AKAIN1: variants seen among roughly 807,000 people sequenced by gnomAD.
AKAIN1 encodes the protein A-kinase anchor inhibitor 1.
A neutral mutation model predicts 3.7 loss-of-function variants in AKAIN1; 3 were observed. That is an observed-to-expected ratio of 0.82 (90% CI 0.37 to 2.12). The LOEUF is 2.12. Ranked by LOEUF, AKAIN1 falls within the 30% of genes most tolerant of loss-of-function variation. The pLI, the probability that AKAIN1 is intolerant of heterozygous loss-of-function variation, is 0.06. For missense variants in AKAIN1, 82 were observed against 82.7 expected (o/e 0.99, Z 0.03); for synonymous variants, 31 against 30.8 (o/e 1.01, Z -0.02).
chr18:5,167,433 T>A (rs2071173467), intron 1 of AKAIN1, among the ~76,000 whole-genome samples: 1 of 152,046 alleles, frequency 6.6e-6, no homozygotes, highest in Non-Finnish European at 1.5e-5. Context: ...GGGCAAAAGG[T>A]AGACATGACA....
At chr18:5,192,296 A>G (rs895830825) in intron 1 of AKAIN1, among the ~76,000 whole-genome samples, 2 of 152,174 alleles carry the variant, frequency 1.3e-5, no homozygotes, top group Non-Finnish European at 1.5e-5. Context: ...TCTGGAGTGC[A>G]GTGGCTCAAT....
chr18:5,174,744 A>AAT (rs1401343936), intron 1 of AKAIN1, among the ~76,000 whole-genome samples: 2 of 152,260 alleles, frequency 1.3e-5, no homozygotes, highest in East Asian at 1.9e-4. Context: ...CTGTCAAAAA[A>AAT]AAAAATGTAG....
intron 1 of AKAIN1, among the ~76,000 whole-genome samples, chr18:5,168,137 G>C (rs922511670): frequency 3.3e-5 from 5 of 152,026 alleles, no homozygotes; most frequent in African/African-American, 1.2e-4. Flanking sequence ...GTTACCAAAG[G>C]GGTAACAATG....
intron 1 of AKAIN1, among the ~76,000 whole-genome samples, chr18:5,173,499 T>C (rs2071209163): frequency 6.6e-6 from 1 of 152,162 alleles, no homozygotes; most frequent in Non-Finnish European, 1.5e-5. Flanking sequence ...TAATGTGCTT[T>C]CCTTTGGAGG....
intron 1 of AKAIN1, among the ~76,000 whole-genome samples, chr18:5,172,254 G>C (rs554216973): frequency 6.6e-6 from 1 of 152,066 alleles, no homozygotes; most frequent in East Asian, 1.9e-4. Context: ...AATTAAAACA[G>C]GATGACTTTA....
At chr18:5,149,236 A>G (rs1209551209) in intron 1 of AKAIN1, among the ~76,000 whole-genome samples, 1 of 152,212 alleles carries the variant, frequency 6.6e-6, no homozygotes, top group Non-Finnish European at 1.5e-5. Context: ...GCAGAGAAAG[A>G]GAGGGATTAA....
intron 1 of AKAIN1, among the ~76,000 whole-genome samples, chr18:5,175,614 G>A (rs2071221721): frequency 1.3e-5 from 2 of 152,112 alleles, no homozygotes; most frequent in African/African-American, 2.4e-5. Context: ...TGCATATCAG[G>A]AAGTGAAAGA....
intron 1 of AKAIN1, among the ~76,000 whole-genome samples, chr18:5,186,604 G>A (rs558456012): frequency 6.6e-6 from 1 of 152,056 alleles, no homozygotes. Context: ...AGAGGTATTA[G>A]TACTCCTCTT....
Position 5,145,630 on chromosome 18 carries a change from TTCTC to T in AKAIN1, c.138_141del (p.Arg47SerfsTer15). 2 of 1,551,712 alleles carry T rather than the reference TTCTC, an allele frequency of 1.3e-6. No homozygotes were observed. Among genetic ancestry groups the T allele is most frequent in the African/African-American group, 1.4e-5 (1 of 73,190 alleles). On this transcript the variant is annotated frameshift_variant, in exon 2 of 2. Transcript: ENST00000434239. LOFTEE classifies it high-confidence loss of function. ...TGGATGTGGTCCCGGTTGTCACTGATTCTCTCTTCTCTGCGCTGACTCTCCTGGG... is the reference window on the plus strand; with the variant it reads ...TGGATGTGGTCCCGGTTGTCACTGATTCTTCTCTGCGCTGACTCTCCTGGG...
intron 1 of AKAIN1, among the ~76,000 whole-genome samples, chr18:5,168,522 C>T (rs1468200104): frequency 6.6e-6 from 1 of 152,108 alleles, no homozygotes; most frequent in Non-Finnish European, 1.5e-5. Flanking sequence ...CCCATTCCTC[C>T]TCAGTACCAC....
intron 1 of AKAIN1, among the ~76,000 whole-genome samples, chr18:5,185,757 G>C (rs997209361): frequency 6.6e-6 from 1 of 152,252 alleles, no homozygotes; most frequent in African/African-American, 2.4e-5. Flanking sequence ...GTGTAAATTA[G>C]TTCAGCCATT....
rs999246025 is a variant in AKAIN1 at position 5,144,293 on chromosome 18, A to T, written c.*1269T>A. Among the ~76,000 whole-genome samples, 50 of 152,332 alleles carry T rather than the reference A, an allele frequency of 3.3e-4. No homozygotes were observed. Among genetic ancestry groups the T allele is most frequent in the African/African-American group, 1.2e-3 (48 of 41,578 alleles). ...CCCGAATACTTTGCTTTAAAAAAAA[A>T]TCAAATGTAGATATTGATACTCTGA... is the stretch of plus-strand genomic sequence containing the variant. On this transcript the variant is annotated 3_prime_UTR_variant, in exon 2 of 2. Transcript: ENST00000434239.
intron 1 of AKAIN1, among the ~76,000 whole-genome samples, chr18:5,160,436 T>G (rs1196795152): frequency 2.0e-5 from 3 of 152,176 alleles, no homozygotes; most frequent in African/African-American, 7.2e-5. Flanking sequence ...ACTGGGTTGT[T>G]TTCCTTTTTC....
intron 1 of AKAIN1, among the ~76,000 whole-genome samples, chr18:5,178,660 AG>A (rs796280705): frequency 7.2e-5 from 11 of 152,314 alleles, no homozygotes; most frequent in African/African-American, 2.6e-4. Context: ...GAATCAGGCA[AG>A]CCACCTGCCT....
chr18:5,192,456 C>CTTTCTCTTTTT (rs55915033), intron 1 of AKAIN1, among the ~76,000 whole-genome samples: 3 of 134,426 alleles, frequency 2.2e-5, no homozygotes, highest in Non-Finnish European at 4.7e-5. Flanking sequence ...TTTTTCTTTT[C>CTTTCTCTTTTT]TTTGGTAGAG....
rs918078487 is a variant in AKAIN1 at position 5,197,187 on chromosome 18, C to A, written c.-134G>T. On this transcript the variant is annotated 5_prime_UTR_variant, in exon 1 of 2. Transcript: ENST00000434239. The surrounding 1 kb of genome is among the most constrained non-coding windows in gnomAD (Gnocchi z 6.9). ...GGGCGGCGGGCGGGGCGGTCAGCAC[C>A]CCGGACAGCTCCCGCCGCTAGATCC... 2.0e-6 allele frequency: 3 copies of A among 1,469,124 alleles called. No homozygotes were observed. Among genetic ancestry groups the A allele is most frequent in the African/African-American group, 2.9e-5 (2 of 69,104 alleles). The allele number at this position is 1,469,124 out of a possible 1,614,324, so 91.0% of individuals were successfully genotyped here.
intron 1 of AKAIN1, among the ~76,000 whole-genome samples, chr18:5,164,083 G>A (rs1410525995): frequency 6.6e-6 from 1 of 152,060 alleles, no homozygotes; most frequent in Non-Finnish European, 1.5e-5. Flanking sequence ...ACACCTGTAT[G>A]TGGAAAATAT....
At chr18:5,162,649 T>C (rs202047533) in intron 1 of AKAIN1, among the ~76,000 whole-genome samples, 4,915 of 151,742 alleles carry the variant, frequency 0.032, 208 homozygotes, top group African/African-American at 0.089. Context: ...TGTGTGTGTG[T>C]GTGTGTGTGT....
chr18:5,175,815 G>T (rs1171328044), intron 1 of AKAIN1, among the ~76,000 whole-genome samples: 2 of 151,848 alleles, frequency 1.3e-5, no homozygotes, highest in Non-Finnish European at 2.9e-5. Flanking sequence ...AAATTATAGG[G>T]TTTTTTTTAA....
Sources: allele counts gnomAD v4.1 joint callset (sites outside exome capture counted in the v4.1 genomes callset), GRCh38; gene constraint gnomAD v4.1.1; non-coding constraint Gnocchi (gnomAD v3.1); transcripts MANE v1.5; gene names NCBI Gene and HGNC (gene_info 2026-07-23, HGNC 2026-07-21).